FHIT: variants seen among roughly 807,000 people sequenced by gnomAD.
FHIT encodes the protein fragile histidine triad diadenosine triphosphatase.
FHIT carries 19 observed loss-of-function variants against 17.9 expected under a neutral mutation model. The ratio of observed to expected loss-of-function variants is 1.06; its 90% confidence interval spans 0.74 to 1.56. FHIT has a LOEUF of 1.56. FHIT is among the 40% of genes most tolerant of loss of function. The pLI, the probability that FHIT is intolerant of heterozygous loss-of-function variation, is 0.00. For synonymous variants in FHIT, 81 were observed against 69.7 expected (o/e 1.16, Z -0.81); for missense variants, 248 against 189.2 (o/e 1.31, Z -1.82).
intron 5 of FHIT, among the ~76,000 whole-genome samples, chr3:60,123,235 A>T (rs1705339304): frequency 6.6e-6 from 1 of 152,202 alleles, no homozygotes; most frequent in Non-Finnish European, 1.5e-5. Flanking sequence ...GATTGATGAG[A>T]AGTAGTACAA....
intron 4 of FHIT, among the ~76,000 whole-genome samples, chr3:60,640,053 T>G (rs113925118): frequency 1.3e-5 from 2 of 152,282 alleles, no homozygotes; most frequent in African/African-American, 4.8e-5. Flanking sequence ...ATGGGTTAAT[T>G]CATTAAAAAT....
At chr3:60,251,646 A>G (rs1392777388) in intron 5 of FHIT, among the ~76,000 whole-genome samples, 1 of 152,286 alleles carries the variant, frequency 6.6e-6, no homozygotes, top group East Asian at 1.9e-4. Flanking sequence ...GTGTGTGTGT[A>G]TCTAAAACCA....
intron 4 of FHIT, among the ~76,000 whole-genome samples, chr3:60,808,880 T>C (rs543594175): frequency 1.0e-3 from 154 of 152,360 alleles, no homozygotes; most frequent in African/African-American, 3.6e-3. Context: ...GTTTGGACTG[T>C]TGAGCTTGGT....
intron 4 of FHIT, among the ~76,000 whole-genome samples, chr3:60,772,361 A>G (rs1219387364): frequency 6.9e-6 from 1 of 145,814 alleles, no homozygotes; most frequent in African/African-American, 2.6e-5. Flanking sequence ...TATATTTGAC[A>G]TCATAGAGGC....
chr3:61,207,417 T>G (rs1057386626), intron 1 of FHIT, among the ~76,000 whole-genome samples: 1 of 152,254 alleles, frequency 6.6e-6, no homozygotes, highest in Admixed American at 6.5e-5. Context: ...CTTGTACCTC[T>G]GGTAGAATTC....
Position 61,016,460 on chromosome 3 carries a change from G to A in FHIT, c.-111+25587C>T, listed in dbSNP as rs2032112011. On this transcript the variant is annotated intron_variant, in intron 3 of 9. Coordinates refer to ENST00000492590, the MANE Select transcript of FHIT (RefSeq NM_002012.4). Reference sequence around the variant, plus strand: ...TAGGCCTTATTTTAAAGACACAGGGGATTTTGGAACTTACCATTTTGCAGC... The same window carrying A: ...TAGGCCTTATTTTAAAGACACAGGGAATTTTGGAACTTACCATTTTGCAGC... Among the ~76,000 whole-genome samples, 3 of 152,150 alleles carry A rather than the reference G, an allele frequency of 2.0e-5. No homozygotes were observed. In the South Asian group the frequency reaches 6.2e-4, roughly 32 times the overall value.
intron 5 of FHIT, among the ~76,000 whole-genome samples, chr3:60,047,384 C>T (rs1387066779): frequency 6.6e-6 from 1 of 152,162 alleles, no homozygotes; most frequent in East Asian, 1.9e-4. Context: ...GACATTTACA[C>T]ATATGGACAC....
intron 5 of FHIT, among the ~76,000 whole-genome samples, chr3:60,335,462 C>T (rs776627967): frequency 1.8e-4 from 28 of 152,266 alleles, no homozygotes; most frequent in Admixed American, 1.1e-3. Context: ...GATAGTTCAT[C>T]ATTTACATGG....
rs551428618 is a variant in FHIT at position 60,189,039 on chromosome 3, G to T, written c.104-174887C>A. On this transcript the variant is annotated intron_variant, in intron 5 of 9. Coordinates refer to ENST00000492590, the MANE Select transcript of FHIT (RefSeq NM_002012.4). ...AAGTTGATTCACTTAGAGAACACCA[G>T]CATTTCTCTCCTCACCTAGCTTTTG... 2.6e-5 allele frequency among the ~76,000 whole-genome samples: 4 copies of T among 152,226 alleles called. No individual in the cohort carries two copies. In the East Asian group the frequency reaches 7.7e-4, roughly 29 times the overall value.
At chr3:60,011,328 T>C (rs1274292138) in intron 7 of FHIT, 43 bp downstream of exon 7, 2 of 1,594,908 alleles carry the variant, frequency 1.3e-6, no homozygotes. Flanking sequence ...TTAGTTCTCA[T>C]AATCGCCTCT....
At chr3:60,228,954 G>A (rs1035841865) in intron 5 of FHIT, among the ~76,000 whole-genome samples, 1 of 152,144 alleles carries the variant, frequency 6.6e-6, no homozygotes, top group Non-Finnish European at 1.5e-5. Flanking sequence ...GGAAGTTGCT[G>A]AGCCACTAAG....
At position 60,129,042 on chromosome 3, in the gene FHIT, C is replaced by CTTTTTTTTTT. The variant is rs1360333142; in HGVS notation, c.104-114891_104-114890insAAAAAAAAAA. ...ACTTAATTTTCCCTTTTCTTCTTTC[C>CTTTTTTTTTT]TTTTTTGTTTGTTTTTTTTTTTTTT... On this transcript the variant is annotated intron_variant, in intron 5 of 9. Transcript: ENST00000492590. Among the ~76,000 whole-genome samples the CTTTTTTTTTT allele has an allele frequency of 4.6e-4, 52 of 113,044 alleles. 2 individuals are homozygous for CTTTTTTTTTT. Among genetic ancestry groups the CTTTTTTTTTT allele is most frequent in the African/African-American group, 1.7e-3 (50 of 29,320 alleles). 74.2% of individuals were successfully genotyped at this position (113,044 alleles called of 152,430 possible). A position where few individuals can be genotyped will look rare whatever the true frequency, so the allele number is the denominator to read the frequency against.
intron 5 of FHIT, among the ~76,000 whole-genome samples, chr3:60,223,665 T>C (rs1036413087): frequency 1.3e-5 from 2 of 152,188 alleles, no homozygotes; most frequent in Non-Finnish European, 2.9e-5. Flanking sequence ...TTCATAATTA[T>C]AGGCTGCCAT....
At chr3:61,187,739 C>T (rs1273579637) in intron 2 of FHIT, among the ~76,000 whole-genome samples, 1 of 152,188 alleles carries the variant, frequency 6.6e-6, no homozygotes, top group African/African-American at 2.4e-5. Context: ...GTCTCTCAGA[C>T]CACAGTGCAA....
At chr3:60,044,645 C>T (rs913628252) in intron 5 of FHIT, among the ~76,000 whole-genome samples, 2 of 152,174 alleles carry the variant, frequency 1.3e-5, no homozygotes, top group African/African-American at 4.8e-5. Context: ...TCATATGATA[C>T]AGGATTTTGC....
At chr3:60,029,580 G>C (rs1482715721) in intron 5 of FHIT, among the ~76,000 whole-genome samples, 2 of 152,216 alleles carry the variant, frequency 1.3e-5, no homozygotes, top group South Asian at 4.1e-4. Flanking sequence ...TAAAGTCAAA[G>C]TTCTCTTTTG....
intron 4 of FHIT, among the ~76,000 whole-genome samples, chr3:60,579,166 A>C (rs2037671815): frequency 6.6e-6 from 1 of 152,154 alleles, no homozygotes; most frequent in Non-Finnish European, 1.5e-5. Context: ...TTGTCATAGC[A>C]CAAACATCAT....
At chr3:60,123,761 T>C (rs1008937656) in intron 5 of FHIT, among the ~76,000 whole-genome samples, 1 of 151,510 alleles carries the variant, frequency 6.6e-6, no homozygotes, top group African/African-American at 2.4e-5. Context: ...GTTTAGTGGA[T>C]TAAGCAGACC....
chr3:60,497,460 T>G (rs1576762202), intron 5 of FHIT, among the ~76,000 whole-genome samples: 1 of 152,234 alleles, frequency 6.6e-6, no homozygotes, highest in South Asian at 2.1e-4. Context: ...ACAAACACAG[T>G]TAATTTCTAA....
Sources: allele counts gnomAD v4.1 joint callset (sites outside exome capture counted in the v4.1 genomes callset), GRCh38; gene constraint gnomAD v4.1.1; transcripts MANE v1.5; gene names NCBI Gene and HGNC (gene_info 2026-07-23, HGNC 2026-07-21).